ATP2B4: variants seen among roughly 807,000 people sequenced by gnomAD.
The protein encoded by ATP2B4 is ATPase plasma membrane Ca2+ transporting 4.
In ATP2B4, 39 loss-of-function variants were observed where a neutral mutation model predicts 110.3. That is an observed-to-expected ratio of 0.35 (90% confidence interval 0.27 to 0.46). The LOEUF (loss-of-function observed/expected upper bound fraction) is 0.46. ATP2B4 is among the 20% of genes least tolerant of loss of function. ATP2B4 has a pLI of 1.00. For missense variants in ATP2B4, 1,135 were observed against 1,530.9 expected, an observed-to-expected ratio of 0.74 and a Z score of 4.32; for synonymous variants, 538 against 571.7, an observed-to-expected ratio of 0.94 and a Z score of 0.84.
intron 1 of ATP2B4, among the ~76,000 whole-genome samples, chr1:203,678,392 C>CTTT (rs35598967): frequency 0.03 from 2,983 of 100,144 alleles, 199 homozygotes; most frequent in African/African-American, 0.044. Context: ...TTTCTAGAGG[C>CTTT]TTTTTTTTTT....
At chr1:203,665,399 G>A (rs538424772) in intron 1 of ATP2B4, among the ~76,000 whole-genome samples, 1 of 152,356 alleles carries the variant, frequency 6.6e-6, no homozygotes, top group East Asian at 1.9e-4. Context: ...GAGGTTTTGG[G>A]TAGGCACAGG....
At chr1:203,712,753 C>T (rs767221817) in intron 13 of ATP2B4, among the ~76,000 whole-genome samples, 1 of 152,098 alleles carries the variant, frequency 6.6e-6, no homozygotes, top group Non-Finnish European at 1.5e-5. Context: ...GTGTCCCTGC[C>T]CTTTGGCTAA....
At chr1:203,657,529 T>G in intron 1 of ATP2B4, 1 of 801,740 alleles carries the variant, frequency 1.2e-6, no homozygotes, top group Non-Finnish European at 2.2e-6. Context: ...TTTTGTTTGG[T>G]GTTTCTCTTT....
chr1:203,708,827 C>T (rs1665922343), intron 10 of ATP2B4, among the ~76,000 whole-genome samples: 1 of 151,990 alleles, frequency 6.6e-6, no homozygotes, highest in Non-Finnish European at 1.5e-5. Context: ...TGCAGTCAAG[C>T]CTGGGCAACA....
At chr1:203,696,225 C>T (rs1166767432) in intron 2 of ATP2B4, among the ~76,000 whole-genome samples, 1 of 152,184 alleles carries the variant, frequency 6.6e-6, no homozygotes, top group African/African-American at 2.4e-5. Context: ...CCACGCCCGG[C>T]CCACTCTTGG....
intron 3 of ATP2B4, among the ~76,000 whole-genome samples, chr1:203,699,255 T>C (rs190250215): frequency 6.6e-6 from 1 of 152,308 alleles, no homozygotes; most frequent in East Asian, 1.9e-4. Flanking sequence ...ATTTGCCTCT[T>C]TTGGATTAAC....
chr1:203,683,586 A>G (rs1665082114), intron 2 of ATP2B4, among the ~76,000 whole-genome samples, 188 bp downstream of exon 2: 1 of 150,834 alleles, frequency 6.6e-6, no homozygotes, highest in Non-Finnish European at 1.5e-5. Flanking sequence ...TTTCCCAGAG[A>G]TGATGTTTAG....
chr1:203,669,905 C>T (rs921193353), intron 1 of ATP2B4, among the ~76,000 whole-genome samples: 2 of 152,196 alleles, frequency 1.3e-5, no homozygotes, highest in Admixed American at 6.5e-5. Context: ...AAGAAAAATA[C>T]ACAATACTCT....
intron 11 of ATP2B4, 107 bp downstream of exon 11, chr1:203,709,649 G>A: frequency 3.3e-6 from 5 of 1,531,832 alleles, no homozygotes; most frequent in African/African-American, 1.4e-5. Flanking sequence ...CTCCAGCCAG[G>A]TGGTGACATA....
chr1:203,643,482 C>T (rs1218527765), intron 1 of ATP2B4, among the ~76,000 whole-genome samples: 6 of 152,196 alleles, frequency 3.9e-5, no homozygotes, highest in African/African-American at 1.4e-4. Flanking sequence ...CTGGAATCTC[C>T]CCTGCTTTTC....
intron 1 of ATP2B4, among the ~76,000 whole-genome samples, chr1:203,633,744 A>AAATAAATAAATT (rs1166677039): frequency 4.6e-5 from 7 of 151,660 alleles, no homozygotes; most frequent in African/African-American, 1.7e-4. Flanking sequence ...ATAAATAAAT[A>AAATAAATAAATT]AAGTAAATGC....
intron 14 of ATP2B4, among the ~76,000 whole-genome samples, chr1:203,713,773 G>A (rs1292666422): frequency 6.6e-6 from 1 of 152,042 alleles, no homozygotes; most frequent in Non-Finnish European, 1.5e-5. Context: ...CAATTGCATG[G>A]GTTCTTAAAA....
intron 15 of ATP2B4, among the ~76,000 whole-genome samples, chr1:203,718,008 C>T (rs1231817518): frequency 2.6e-5 from 4 of 152,192 alleles, no homozygotes; most frequent in African/African-American, 9.6e-5. Context: ...ACAATTGGAA[C>T]TCAAAGGTGT....
chr1:203,659,901 G>C (rs1363228280), intron 1 of ATP2B4, among the ~76,000 whole-genome samples: 1 of 152,040 alleles, frequency 6.6e-6, no homozygotes, highest in Admixed American at 6.6e-5. Context: ...GGCCAAAATG[G>C]TGAAATCCTG....
chr1:203,628,876 G>A (rs965990373), intron 1 of ATP2B4, among the ~76,000 whole-genome samples: 2 of 152,126 alleles, frequency 1.3e-5, no homozygotes, highest in African/African-American at 4.8e-5. Context: ...TGAGGGTGGT[G>A]GCTTGGGGAG....
chr1:203,651,733 C>G (rs1558016122), intron 1 of ATP2B4, among the ~76,000 whole-genome samples: 1 of 151,956 alleles, frequency 6.6e-6, no homozygotes, highest in Non-Finnish European at 1.5e-5. Context: ...TGCACTCCAG[C>G]CTGGGTGACA....
chr1:203,719,023 G>A lies in ATP2B4; in HGVS notation c.2407-1526G>A, dbSNP rs916637503. Among the ~76,000 whole-genome samples the A allele has an allele frequency of 3.3e-5, 5 of 151,536 alleles. No individual in the cohort carries two copies. The East Asian group carries it at 7.8e-4, about 24-fold the overall frequency. On this transcript the variant is annotated intron_variant, in intron 15 of 20. Coordinates refer to ENST00000357681, the MANE Select transcript of ATP2B4 (RefSeq NM_001684.5). The stretch of plus-strand genomic sequence containing the variant: ...AAGGAGCACTAGAAGCCAGGATTTC[G>A]AGACCAGCCTGGACAATATAGTGAG...
chr1:203,694,762 G>A (rs747101606), intron 2 of ATP2B4, among the ~76,000 whole-genome samples: 1 of 152,216 alleles, frequency 6.6e-6, no homozygotes, highest in Non-Finnish European at 1.5e-5. Context: ...AATACATTGA[G>A]AAGAGACTAA....
rs1447928109 is a variant in ATP2B4, at chr1:203,722,519, C to T, written c.2854C>T (p.Leu952=). The change falls in exon 18 of 21, where the codon CTA becomes TTA. Residue 952 remains leucine (L), a synonymous_variant. Transcript: ENST00000357681. ...FDIDSGRKAP[L]HSPPSQHYTI... ...TATTGATAGTGGGAGGAAGGCACCT[C>T]TACATTCACCACCCAGCCAGCACTA... is the stretch of plus-strand genomic sequence containing the variant. 1.2e-6 allele frequency: 2 copies of T among 1,614,200 alleles called. No individual in the cohort carries two copies. The highest frequency in any genetic ancestry group is 1.7e-5 in the Admixed American group (1 of 60,024).
Sources: allele counts gnomAD v4.1 joint callset (sites outside exome capture counted in the v4.1 genomes callset), GRCh38; gene constraint gnomAD v4.1.1; transcripts MANE v1.5; gene names NCBI Gene and HGNC (gene_info 2026-07-23, HGNC 2026-07-21).